RABL2B: variants seen among roughly 807,000 people sequenced by gnomAD.
The protein encoded by RABL2B is RAB, member of RAS oncogene family like 2B, also known as rab-like protein 2B.
A neutral mutation model predicts 26.7 loss-of-function variants in RABL2B; 17 were observed. That is an observed-to-expected ratio of 0.64 (90% CI 0.44 to 0.95). The LOEUF (loss-of-function observed/expected upper bound fraction) is 0.95, where lower values mean the gene tolerates loss of function less well. RABL2B is among the 40% of genes least tolerant of loss of function. The pLI is 0.00. For missense variants in RABL2B, 170 were observed against 277.2 expected, an observed-to-expected ratio of 0.61 and a Z score of 2.75; for synonymous variants, 70 against 103.9, an observed-to-expected ratio of 0.67 and a Z score of 1.99.
intron 5 of RABL2B, chr22:50,771,974 A>C (rs2084256677): frequency 6.6e-6 from 1 of 152,062 alleles, no homozygotes; most frequent in Non-Finnish European, 1.5e-5. Context: ...GTATTACTTT[A>C]TAATTTGTTT....
intron 2 of RABL2B, among the ~76,000 whole-genome samples, chr22:50,781,012 G>A (rs1359824423): frequency 2.6e-5 from 4 of 152,002 alleles, no homozygotes; most frequent in Admixed American, 1.3e-4. Flanking sequence ...TACTGTACAG[G>A]CGTGCTGTTG....
rs2083602293 is a variant in RABL2B at position 50,767,638 on chromosome 22, A to G, written c.*1138T>C. On this transcript the variant is annotated 3_prime_UTR_variant, in exon 9 of 9. Transcript: ENST00000691320. The stretch of plus-strand genomic sequence containing the variant: ...AGCCACAAGTACCAGAGAGGGGTGA[A>G]CAGGCATATCTGCTAGCTCTCCTCT... The G allele has an allele frequency of 5.6e-6, 2 of 355,824 alleles. No homozygotes were observed. Among genetic ancestry groups the G allele is most frequent in the South Asian group, 2.1e-5 (1 of 48,350 alleles). The allele number at this position is 355,824 out of a possible 1,614,324, so 22.0% of individuals were successfully genotyped here.
intron 5 of RABL2B, chr22:50,771,631 G>A (rs1315342465): frequency 1.3e-5 from 2 of 150,090 alleles, no homozygotes; most frequent in Non-Finnish European, 3.0e-5. Flanking sequence ...TTTGTTTTTT[G>A]AGATAGGGTC....
intron 4 of RABL2B, 68 bp from the exon 5 acceptor site, chr22:50,775,919 C>T (rs2084914745): frequency 6.3e-7 from 1 of 1,599,998 alleles, no homozygotes; most frequent in African/African-American, 1.3e-5. Flanking sequence ...AGATACAACA[C>T]ACATGCGGCA....
chr22:50,780,590 C>G (rs1193054926), intron 2 of RABL2B: 18 of 434,484 alleles, frequency 4.1e-5, no homozygotes, highest in Non-Finnish European at 8.1e-5. Flanking sequence ...CAAAACTGAA[C>G]CACAGTGTTC....
At position 50,776,579 on chromosome 22, in the gene RABL2B, G is replaced by A. The variant is rs2085019106; in HGVS notation, c.217+91C>T. The stretch of plus-strand genomic sequence containing the variant: ...CCTGGGGTCTCATTTTCTCCCTCTG[G>A]ACTCTCTCCTTATGAACCTTCCCTC... On this transcript the variant is annotated intron_variant, in intron 4 of 8. Coordinates refer to ENST00000691320, the MANE Select transcript of RABL2B (RefSeq NM_001130919.3). 3.3e-6 allele frequency: 5 copies of A among 1,521,442 alleles called. No individual in the cohort carries two copies. In the Admixed American group the frequency reaches 9.9e-5, roughly 30 times the overall value. 94.2% of individuals were successfully genotyped at this position (1,521,442 alleles called of 1,614,324 possible). A position where few individuals can be genotyped will look rare whatever the true frequency, so the allele number is the denominator to read the frequency against.
intron 2 of RABL2B, among the ~76,000 whole-genome samples, chr22:50,778,942 C>A (rs1239928744): frequency 6.7e-6 from 1 of 150,012 alleles, no homozygotes; most frequent in Admixed American, 6.7e-5. Flanking sequence ...TATAAAGAAA[C>A]AGCACCCTTA....
rs1555924306 is a variant in RABL2B at position 50,776,666 on chromosome 22, T to C, written c.217+4A>G. On this transcript the variant is annotated splice_donor_region_variant and intron_variant, in intron 4 of 8. Transcript: ENST00000691320. ...TCAGCATGTCTTGGCCCTGTGCCAC[T>C]TACCCACAAGGATGGTCCTTCCATC... The C allele has an allele frequency of 2.5e-6, 4 of 1,605,944 alleles. No homozygotes were observed. The highest frequency in any genetic ancestry group is 3.4e-6 in the Non-Finnish European group (4 of 1,175,914).
At chr22:50,773,165 A>G (rs2084437491) in intron 5 of RABL2B, 2 of 1,254,132 alleles carry the variant, frequency 1.6e-6, no homozygotes, top group Non-Finnish European at 2.1e-6. Context: ...GTAGGCCTGA[A>G]ACCAAACTGG....
At chr22:50,772,298 G>A (rs1279854897) in intron 5 of RABL2B, 2 of 982,666 alleles carry the variant, frequency 2.0e-6, no homozygotes, top group East Asian at 2.3e-4. Flanking sequence ...CAAAGTACTG[G>A]GATTAAAGGC....
chr22:50,777,771 C>G, intron 3 of RABL2B, 181 bp downstream of exon 3: 1 of 822,660 alleles, frequency 1.2e-6, no homozygotes, highest in Non-Finnish European at 2.1e-6. Flanking sequence ...ATATACAGCA[C>G]TGATTGTGCA....
At chr22:50,773,719 A>G (rs1359796330) in intron 5 of RABL2B, among the ~76,000 whole-genome samples, 1 of 151,382 alleles carries the variant, frequency 6.6e-6, no homozygotes, top group Non-Finnish European at 1.5e-5. Flanking sequence ...CAATGAGCAG[A>G]ACAGAGCAGC....
chr22:50,770,941 T>C (rs1370422800), intron 5 of RABL2B, among the ~76,000 whole-genome samples: 2 of 149,598 alleles, frequency 1.3e-5, no homozygotes, highest in Non-Finnish European at 3.0e-5. Context: ...AGGCTCTCCC[T>C]ATGTTACCCA....
chr22:50,777,269 G>A (rs373000053), intron 3 of RABL2B, among the ~76,000 whole-genome samples: 5 of 152,270 alleles, frequency 3.3e-5, no homozygotes, highest in South Asian at 2.1e-4. Context: ...GCAAGAAGCC[G>A]GACAGTGTAA....
intron 3 of RABL2B, among the ~76,000 whole-genome samples, chr22:50,777,091 C>T (rs1313852768): frequency 2.6e-5 from 4 of 152,166 alleles, no homozygotes; most frequent in East Asian, 3.8e-4. Flanking sequence ...ATGGAGCTTT[C>T]GCAGGCTAGA....
At chr22:50,783,140 GC>G in intron 1 of RABL2B, 1 of 166,992 alleles carries the variant, frequency 6.0e-6, no homozygotes, top group Non-Finnish European at 1.3e-5. Flanking sequence ...TCACTCTGTC[GC>G]CCAGGCTGGA....
chr22:50,772,401 A>G (rs1555919504), intron 5 of RABL2B: 11 of 985,596 alleles, frequency 1.1e-5, no homozygotes, highest in Non-Finnish European at 1.3e-5. Context: ...CAGAACTCTG[A>G]AAGACAACTG....
At chr22:50,771,197 C>T (rs2084111668) in intron 5 of RABL2B, 1 of 152,190 alleles carries the variant, frequency 6.6e-6, no homozygotes, top group Non-Finnish European at 1.5e-5. Flanking sequence ...TGTGCGCCAC[C>T]ATGCCTGGCT....
intron 5 of RABL2B, among the ~76,000 whole-genome samples, chr22:50,775,280 C>A (rs1214799968): frequency 6.6e-6 from 1 of 152,106 alleles, no homozygotes; most frequent in East Asian, 1.9e-4. Flanking sequence ...ACCCGGGTCA[C>A]CAGGGGGAGC....
Sources: gnomAD v4.1 joint callset for allele counts (sites outside exome capture counted in the v4.1 genomes callset) on GRCh38, gnomAD v4.1.1 for gene constraint, MANE v1.5 for transcripts, NCBI Gene and HGNC (gene_info 2026-07-23, HGNC 2026-07-21) for gene names.